Variants in SMYD1 observed in about 807,000 individuals in gnomAD.
The protein encoded by SMYD1 is histone-lysine N-methyltransferase SMYD1.
Under a neutral mutation model 54.0 loss-of-function variants are expected in SMYD1, and 49 were observed. The observed-to-expected ratio is 0.91, with a 90% CI of 0.72 to 1.15. The LOEUF (loss-of-function observed/expected upper bound fraction) is 1.15, where lower values mean the gene tolerates loss of function less well. SMYD1 is among the 50% of genes most tolerant of loss of function. SMYD1 has a pLI of 0.00. For missense variants in SMYD1, 653 were observed against 639.6 expected, an observed-to-expected ratio of 1.02 and a Z score of -0.23; for synonymous variants, 269 against 234.2, an observed-to-expected ratio of 1.15 and a Z score of -1.36.
chr2:88,110,200 A>AGAGTGTGTGTGTGTGTGTGTGTGTGT (rs139694354), intron 9 of SMYD1, among the ~76,000 whole-genome samples, 154 bp from the exon 10 acceptor site: 1 of 138,988 alleles, frequency 7.2e-6, no homozygotes. Flanking sequence ...TTGATGAATG[A>AGAGTGTGTGTGTGTGTGTGTGTGTGT]GTGTGTGTGT....
intron 3 of SMYD1, 140 bp downstream of exon 3, chr2:88,088,215 C>A: frequency 3.0e-6 from 3 of 1,003,162 alleles, no homozygotes; most frequent in African/African-American, 1.6e-5. Context: ...ATTTCTATTT[C>A]CATAAAGGTC....
At position 88,105,551 on chromosome 2, in the gene SMYD1, C is replaced by T. The variant is rs974192805; in HGVS notation, c.982-774C>T. 2.0e-5 allele frequency among the ~76,000 whole-genome samples: 3 copies of T among 152,280 alleles called. No individual in the cohort carries two copies. The South Asian group carries it at 6.2e-4, about 32-fold the overall frequency. ...AGCATCTCTGGATTACTTATAACAC[C>T]TAATACTATGTAAATGCTGTGTAAA... On this transcript the variant is annotated intron_variant, in intron 7 of 9. Transcript: ENST00000419482.
intron 1 of SMYD1, among the ~76,000 whole-genome samples, chr2:88,083,405 A>C (rs1674245362): frequency 6.6e-6 from 1 of 151,962 alleles, no homozygotes; most frequent in Admixed American, 6.6e-5. Context: ...CTCTAATGGG[A>C]ACACTAAGAG....
chr2:88,071,992 C>CT (rs1288449269), intron 1 of SMYD1, among the ~76,000 whole-genome samples: 1 of 78,458 alleles, frequency 1.3e-5, no homozygotes, highest in African/African-American at 4.7e-5. Flanking sequence ...TCTCTGCAAT[C>CT]TTAACATTTG....
chr2:88,069,441 A>G (rs1053344135), intron 1 of SMYD1, among the ~76,000 whole-genome samples: 3 of 152,028 alleles, frequency 2.0e-5, no homozygotes, highest in Admixed American at 6.5e-5. Context: ...GTGTGTGTGT[A>G]TGTGTATGTG....
intron 1 of SMYD1, among the ~76,000 whole-genome samples, chr2:88,070,307 C>A (rs2103973526): frequency 6.6e-6 from 1 of 152,182 alleles, no homozygotes; most frequent in Non-Finnish European, 1.5e-5. Context: ...CTGAGTCACC[C>A]ACAAAAGTCA....
chr2:88,101,254 C>T (rs1019939574), intron 6 of SMYD1, among the ~76,000 whole-genome samples: 7 of 152,114 alleles, frequency 4.6e-5, no homozygotes, highest in African/African-American at 9.7e-5. Flanking sequence ...CAATGTAAAC[C>T]GCAAATCGAA....
chr2:88,097,255 A>C (rs1406688767), intron 6 of SMYD1, among the ~76,000 whole-genome samples: 1 of 152,164 alleles, frequency 6.6e-6, no homozygotes. Flanking sequence ...GTGTGGAGAC[A>C]GGGCTAGGTT....
intron 3 of SMYD1, among the ~76,000 whole-genome samples, chr2:88,089,461 T>A (rs1011911120): frequency 6.6e-6 from 1 of 152,186 alleles, no homozygotes; most frequent in African/African-American, 2.4e-5. Flanking sequence ...TCAGTATTTC[T>A]ATTTTATAGA....
At chr2:88,106,553 A>T (rs1388652475) in intron 8 of SMYD1, 65 bp downstream of exon 8, 14 of 1,548,768 alleles carry the variant, frequency 9.0e-6, no homozygotes, top group Non-Finnish European at 1.2e-5. Context: ...GATGGCAAAT[A>T]GATGGCACAT....
chr2:88,078,894 T>C (rs1674127021), intron 1 of SMYD1, among the ~76,000 whole-genome samples: 1 of 152,240 alleles, frequency 6.6e-6, no homozygotes, highest in Non-Finnish European at 1.5e-5. Context: ...TTAAGAACGA[T>C]AACTTAATGC....
chr2:88,068,529 A>G (rs2103971919), intron 1 of SMYD1, among the ~76,000 whole-genome samples: 1 of 151,868 alleles, frequency 6.6e-6, no homozygotes, highest in East Asian at 1.9e-4. Context: ...CTATTATTTC[A>G]ATGTATTTCC....
chr2:88,103,989 T>C (rs1220463296), intron 7 of SMYD1, among the ~76,000 whole-genome samples: 20 of 150,728 alleles, frequency 1.3e-4, no homozygotes, highest in South Asian at 1.3e-3. Flanking sequence ...TTTTTTGAGA[T>C]GGAGTCTCGC....
In SMYD1 at chr2:88,110,678, C is replaced by A; in HGVS notation, c.*166C>A. On this transcript the variant is annotated 3_prime_UTR_variant, in exon 10 of 10. Coordinates refer to ENST00000419482, the MANE Select transcript of SMYD1 (RefSeq NM_198274.4). ...TTCCCAGAGCCATTTTGGCTCAATTCAAGTCTATTCAATTCAAGTTAACTC... is the reference window on the plus strand; with the variant it reads ...TTCCCAGAGCCATTTTGGCTCAATTAAAGTCTATTCAATTCAAGTTAACTC... The A allele has an allele frequency of 1.3e-6, 1 of 783,434 alleles. No individual in the cohort carries two copies. Among genetic ancestry groups the A allele is most frequent in the Non-Finnish European group, 1.9e-6 (1 of 524,466 alleles). The allele number at this position is 783,434 out of a possible 1,614,324, so 48.5% of individuals were successfully genotyped here. A position where few individuals can be genotyped will look rare whatever the true frequency, so the allele number is the denominator to read the frequency against.
intron 6 of SMYD1, among the ~76,000 whole-genome samples, chr2:88,102,619 C>T (rs1674745067): frequency 6.6e-6 from 1 of 152,178 alleles, no homozygotes; most frequent in African/African-American, 2.4e-5. Context: ...CAGCCCTGTG[C>T]TGGCTGGTAT....
At chr2:88,081,538 C>T (rs867713166) in intron 1 of SMYD1, among the ~76,000 whole-genome samples, 21 of 151,532 alleles carry the variant, frequency 1.4e-4, no homozygotes, top group African/African-American at 4.6e-4. Flanking sequence ...TGGGTTCAAG[C>T]GATTCTCCTG....
intron 5 of SMYD1, among the ~76,000 whole-genome samples, chr2:88,094,014 C>T (rs1008298181): frequency 2.0e-5 from 3 of 152,148 alleles, no homozygotes; most frequent in African/African-American, 4.8e-5. Context: ...CCTAGTATTC[C>T]GCTTACTGCT....
chr2:88,089,817 C>G (rs1020691706), intron 3 of SMYD1, among the ~76,000 whole-genome samples: 2 of 151,800 alleles, frequency 1.3e-5, no homozygotes, highest in Non-Finnish European at 2.9e-5. Flanking sequence ...ATCTCAAACT[C>G]CTGAGCTCAA....
chr2:88,095,019 T>C (rs1674548200), intron 5 of SMYD1, among the ~76,000 whole-genome samples: 1 of 152,168 alleles, frequency 6.6e-6, no homozygotes, highest in Admixed American at 6.5e-5. Context: ...GGCTACTATG[T>C]TGAGGACAAT....
Sources: gnomAD v4.1 joint callset for allele counts (sites outside exome capture counted in the v4.1 genomes callset) on GRCh38, gnomAD v4.1.1 for gene constraint, MANE v1.5 for transcripts, NCBI Gene and HGNC (gene_info 2026-07-23, HGNC 2026-07-21) for gene names.